Variants in ADGRF3 observed in about 807,000 individuals in gnomAD.
ADGRF3 encodes G protein-coupled receptor 113.
A neutral mutation model predicts 93.2 loss-of-function variants in ADGRF3; 85 were observed. That is an observed-to-expected ratio of 0.91 (90% confidence interval 0.77 to 1.09). ADGRF3 has a LOEUF of 1.09. Ranked by LOEUF, ADGRF3 falls within the 50% of genes least tolerant of loss-of-function variation. ADGRF3 has a pLI of 0.00. For synonymous variants in ADGRF3, 534 were observed against 532.5 expected, an observed-to-expected ratio of 1.00 and a Z score of -0.04; for missense variants, 1,125 against 1,246.2, an observed-to-expected ratio of 0.90 and a Z score of 1.46.
Position 26,309,000 on chromosome 2 carries a change from A to T in ADGRF3, c.*86T>A. On this transcript the variant is annotated 3_prime_UTR_variant, in exon 14 of 14. Transcript: ENST00000651242. ...GGGCTGAGCTCCGGGAGGCGGGAAG[A>T]GTTCAGAGCATTGGGCCAGGGCTCA... The T allele has an allele frequency of 1.9e-6, 3 of 1,583,164 alleles. No homozygotes were observed. Among genetic ancestry groups the T allele is most frequent in the Non-Finnish European group, 2.6e-6 (3 of 1,153,422 alleles).
chr2:26,336,687 C>T (rs12611802), intron 1 of ADGRF3, among the ~76,000 whole-genome samples: 1 of 119,954 alleles, frequency 8.3e-6, no homozygotes, highest in Non-Finnish European at 1.6e-5. Flanking sequence ...GATCTTGGCA[C>T]TACACTCCAA....
chr2:26,311,424 G>A lies in ADGRF3; in HGVS notation c.2100C>T (p.Pro700=), dbSNP rs761791743. 8.1e-6 allele frequency: 13 copies of A among 1,613,940 alleles called. 1 individual carries two copies. The highest frequency in any genetic ancestry group is 4.5e-5 in the East Asian group (2 of 44,902). ...LMSPHTVPEE[P]ALALLTQVGL... ...CCACTTGAGTCAGCAGCGCCAGAGC[G>A]GGTTCTTCCGGAACAGTGTGTGGGG... Residue 700 remains proline, a synonymous_variant, in exon 10 of 14, where the codon CCC becomes CCT. Transcript: ENST00000651242.
intron 1 of ADGRF3, among the ~76,000 whole-genome samples, chr2:26,339,377 T>A (rs1676243513): frequency 6.6e-6 from 1 of 151,638 alleles, no homozygotes; most frequent in South Asian, 2.1e-4. Context: ...GCATCTGTAA[T>A]CCCAGCTACA....
chr2:26,313,972 C>T, intron 6 of ADGRF3, 69 bp from the exon 7 acceptor site: 1 of 1,574,050 alleles, frequency 6.4e-7, no homozygotes, highest in Non-Finnish European at 8.7e-7. Context: ...CAGGCTCTGA[C>T]ATGCTGTTTC....
rs1191084017 is a variant in ADGRF3 at position 26,310,785 on chromosome 2, G to T, written c.2739C>A (p.Ile913=). The T allele has an allele frequency of 6.2e-7, 1 of 1,613,636 alleles. No individual in the cohort carries two copies. Among genetic ancestry groups the T allele is most frequent in the East Asian group, 2.2e-5 (1 of 44,888 alleles). Reference sequence around the variant, plus strand: ...GGCCCAGCCCCCAGGTGAGGCCAAAGATGGGTGTAAGAATGAGCAGGGCTT... The same window carrying T: ...GGCCCAGCCCCCAGGTGAGGCCAAATATGGGTGTAAGAATGAGCAGGGCTT... ...VIKALLILTP[I]FGLTWGLGLA... Residue 913 remains isoleucine (I), a synonymous_variant, in exon 10 of 14, where the codon ATC becomes ATA. Transcript: ENST00000651242.
intron 1 of ADGRF3, among the ~76,000 whole-genome samples, chr2:26,321,742 C>T (rs1485488521): frequency 4.6e-5 from 7 of 151,822 alleles, no homozygotes; most frequent in South Asian, 2.1e-4. Context: ...GAGGCCGAGG[C>T]GGGCTGATCT....
chr2:26,337,305 C>T (rs1366416365), intron 1 of ADGRF3, among the ~76,000 whole-genome samples: 1 of 152,146 alleles, frequency 6.6e-6, no homozygotes, highest in Non-Finnish European at 1.5e-5. Flanking sequence ...TTACCTAGGC[C>T]GACAAAGGCC....
At chr2:26,343,892 T>A (rs1190442176) in intron 1 of ADGRF3, among the ~76,000 whole-genome samples, 1 of 152,250 alleles carries the variant, frequency 6.6e-6, no homozygotes, top group Non-Finnish European at 1.5e-5. Context: ...TGATTCAAAC[T>A]TGTTACAACC....
chr2:26,322,412 C>A (rs11892366), intron 1 of ADGRF3, among the ~76,000 whole-genome samples: 3,836 of 152,122 alleles, frequency 0.025, 145 homozygotes, highest in African/African-American at 0.087. Context: ...TCATCTTAAC[C>A]ACTTTGAGTT....
intron 1 of ADGRF3, among the ~76,000 whole-genome samples, chr2:26,332,192 C>T (rs187940197): frequency 5.3e-4 from 80 of 152,248 alleles, no homozygotes; most frequent in Non-Finnish European, 8.5e-4. Context: ...GTTGGGTAAA[C>T]GAGTTTGCCT....
chr2:26,312,108 G>C (rs1674213162), intron 9 of ADGRF3, 34 bp from the exon 10 acceptor site: 1 of 1,567,186 alleles, frequency 6.4e-7, no homozygotes, highest in African/African-American at 1.4e-5. Flanking sequence ...AACCCCGTCT[G>C]CTGGCGCCCA....
At position 26,316,943 on chromosome 2, in the gene ADGRF3, C is replaced by A. The variant is rs768766070; in HGVS notation, c.294G>T (p.Arg98Ser). 4 of 1,612,552 alleles carry A rather than the reference C, an allele frequency of 2.5e-6. No homozygotes were observed. The highest frequency in any genetic ancestry group is 1.7e-5 in the Admixed American group (1 of 59,556). Residue 98 changes from arginine (R) to serine (S), a missense_variant, in exon 3 of 14, where the codon AGG (arginine) becomes AGT (serine). Physicochemically the swap from Arg to Ser is moderately radical, Grantham distance 110. Transcript: ENST00000651242. ...LPAASASSSP[R>S]PLLTGLRLTT... ...TGAGTCTGAGGCCAGTGAGAAGAGGCCTTGGGGAAGAGGAAGCTGAGGCAG... is the reference window on the plus strand; with the variant it reads ...TGAGTCTGAGGCCAGTGAGAAGAGGACTTGGGGAAGAGGAAGCTGAGGCAG...
intron 1 of ADGRF3, among the ~76,000 whole-genome samples, chr2:26,321,624 C>T (rs1675153843): frequency 6.6e-6 from 1 of 152,066 alleles, no homozygotes; most frequent in South Asian, 2.1e-4. Flanking sequence ...GGAGGGAAGG[C>T]TGTTCATCCA....
rs1382003034 is a variant in ADGRF3 at position 26,310,057 on chromosome 2, A to C, written c.2923T>G (p.Ser975Ala). The C allele has an allele frequency of 6.2e-7, 1 of 1,613,930 alleles. No individual in the cohort carries two copies. Among genetic ancestry groups the C allele is most frequent in the East Asian group, 2.2e-5 (1 of 44,900 alleles). ...CAGCAACTCACCAGGGAGATGGTGG[A>C]GCTGGGGGCTTGGGCGCGGCAGAAG... ...KRFCRAQAPS[S>A]TISLATNEGC... The change falls in exon 12 of 14, where the codon TCC (serine) becomes GCC (alanine). Residue 975 changes from serine to alanine, a missense_variant. By Grantham distance (99) the Ser-to-Ala change is moderately conservative. Coordinates refer to ENST00000651242, the MANE Select transcript of ADGRF3 (RefSeq NM_001321971.2).
chr2:26,313,950 C>T, intron 6 of ADGRF3, 47 bp from the exon 7 acceptor site: 1 of 1,607,390 alleles, frequency 6.2e-7, no homozygotes. Context: ...CAGGGACAGG[C>T]CTGGAACCCA....
chr2:26,324,694 G>C (rs1051656286), intron 1 of ADGRF3, among the ~76,000 whole-genome samples: 3 of 152,144 alleles, frequency 2.0e-5, no homozygotes. Context: ...TGGTGTATAT[G>C]TACCACATTT....
chr2:26,316,765 G>T, intron 3 of ADGRF3, 147 bp downstream of exon 3: 1 of 868,794 alleles, frequency 1.2e-6, no homozygotes. Context: ...AGGGAGGTGA[G>T]GAAGGAGCTG....
chr2:26,340,933 C>T (rs182476659), intron 1 of ADGRF3, among the ~76,000 whole-genome samples: 57 of 152,118 alleles, frequency 3.7e-4, no homozygotes, highest in Non-Finnish European at 7.2e-4. Context: ...AAAAGAATGG[C>T]AAATATGTAG....
rs777567880 is a variant in ADGRF3 at position 26,310,788 on chromosome 2, G to A, written c.2736C>T (p.Pro912=). The change falls in exon 10 of 14, where the codon CCC becomes CCT. Residue 912 remains proline, a synonymous_variant. Coordinates refer to ENST00000651242, the MANE Select transcript of ADGRF3 (RefSeq NM_001321971.2). ...GVIKALLILT[P]IFGLTWGLGL... is the part of the protein sequence containing the mutation. ...CCAGCCCCCAGGTGAGGCCAAAGAT[G>A]GGTGTAAGAATGAGCAGGGCTTTGA... 1 of 1,613,726 alleles carries A rather than the reference G, an allele frequency of 6.2e-7. No homozygotes were observed. Among genetic ancestry groups the A allele is most frequent in the Non-Finnish European group, 8.5e-7 (1 of 1,179,756 alleles).
Sources: gnomAD v4.1 joint callset for allele counts (sites outside exome capture counted in the v4.1 genomes callset) on GRCh38, gnomAD v4.1.1 for gene constraint, MANE v1.5 for transcripts, NCBI Gene and HGNC (gene_info 2026-07-23, HGNC 2026-07-21) for gene names.